The following RAPH1 variants were observed in gnomAD, a reference collection of about 807,000 sequenced individuals.
RAPH1 encodes the protein Ras association (RalGDS/AF-6) and pleckstrin homology domains 1.
RAPH1 carries 18 observed loss-of-function variants against 88.1 expected under a neutral mutation model. The ratio of observed to expected loss-of-function variants is 0.20; its 90% CI spans 0.14 to 0.30. The LOEUF is 0.30. Ranked by LOEUF, RAPH1 falls within the 10% of genes least tolerant of loss-of-function variation. The pLI is 1.00. For synonymous variants in RAPH1, 587 were observed against 559.0 expected (o/e 1.05, Z -0.71); for missense variants, 1,448 against 1,543.2 (o/e 0.94, Z 1.03).
At chr2:203,524,075 G>C (rs928559072) in intron 1 of RAPH1, among the ~76,000 whole-genome samples, 3 of 152,102 alleles carry the variant, frequency 2.0e-5, no homozygotes, top group Non-Finnish European at 2.9e-5. Context: ...ATCCAATAAA[G>C]AACTTGTATC....
chr2:203,463,112 G>A (rs569840104), intron 4 of RAPH1, among the ~76,000 whole-genome samples: 2 of 151,746 alleles, frequency 1.3e-5, no homozygotes, highest in South Asian at 4.2e-4. Context: ...TGAGGCAGGA[G>A]AACTGCTTGA....
At position 203,438,814 on chromosome 2, in the gene RAPH1, A is replaced by G. The variant is rs1387679923; in HGVS notation, c.*623T>C. On this transcript the variant is annotated 3_prime_UTR_variant, in exon 14 of 14. Coordinates refer to ENST00000319170, the MANE Select transcript of RAPH1 (RefSeq NM_213589.3). ...AACATTTCCCCATCCTGCACTAGTT[A>G]CCCGTTCTATGAAGCTGAGAGATTT... The G allele has an allele frequency of 6.5e-6, 1 of 154,162 alleles. No homozygotes were observed. Among genetic ancestry groups the G allele is most frequent in the Non-Finnish European group, 1.4e-5 (1 of 69,320 alleles). The allele number at this position is 154,162 out of a possible 1,614,324, so 9.5% of individuals were successfully genotyped here.
rs1214450846 is a variant in RAPH1, at chr2:203,535,241, C to T, written c.-131G>A. On this transcript the variant is annotated 5_prime_UTR_variant, in exon 1 of 14. Transcript: ENST00000319170. Reference sequence around the variant, plus strand: ...AGAGACGCAGCGACTGCCAGCAGCTCCCGCGCCGCGCGCTCAGTGACTGAC... The same window carrying T: ...AGAGACGCAGCGACTGCCAGCAGCTTCCGCGCCGCGCGCTCAGTGACTGAC... 6.6e-6 allele frequency: 1 copy of T among 151,784 alleles called. No individual in the cohort carries two copies. Among genetic ancestry groups the T allele is most frequent in the African/African-American group, 2.4e-5 (1 of 41,228 alleles). 9.4% of individuals were successfully genotyped at this position (151,784 alleles called of 1,614,324 possible). A position where few individuals can be genotyped will look rare whatever the true frequency, so the allele number is the denominator to read the frequency against.
intron 1 of RAPH1, among the ~76,000 whole-genome samples, chr2:203,502,395 T>C (rs1424825748): frequency 6.6e-6 from 1 of 152,204 alleles, no homozygotes; most frequent in Non-Finnish European, 1.5e-5. Flanking sequence ...CACATCCTCT[T>C]CACTATCATC....
intron 4 of RAPH1, among the ~76,000 whole-genome samples, chr2:203,475,726 TTC>T (rs1239460283): frequency 3.3e-5 from 5 of 151,278 alleles, no homozygotes; most frequent in Admixed American, 2.0e-4. Context: ...CATATTTCTG[TTC>T]TTTTTCCTAC....
Position 203,535,227 on chromosome 2 carries a change from G to T in RAPH1, c.-117C>A. The T allele has an allele frequency of 6.6e-6, 1 of 152,316 alleles. No individual in the cohort carries two copies. The highest frequency in any genetic ancestry group is 2.0e-4 in the South Asian group (1 of 5,078). The allele number at this position is 152,316 out of a possible 1,614,324, so 9.4% of individuals were successfully genotyped here. On this transcript the variant is annotated 5_prime_UTR_variant, in exon 1 of 14. Coordinates refer to ENST00000319170, the MANE Select transcript of RAPH1 (RefSeq NM_213589.3). ...GGCGCTCCCTCGCCAGAGACGCAGC[G>T]ACTGCCAGCAGCTCCCGCGCCGCGC...
intron 4 of RAPH1, among the ~76,000 whole-genome samples, chr2:203,484,035 T>C (rs1247246580): frequency 2.6e-5 from 4 of 152,166 alleles, no homozygotes; most frequent in African/African-American, 9.7e-5. Context: ...TTCATAATGG[T>C]GTGGGCTAAT....
At chr2:203,461,002 G>C (rs1291157851) in intron 6 of RAPH1, among the ~76,000 whole-genome samples, 1 of 152,000 alleles carries the variant, frequency 6.6e-6, no homozygotes, top group African/African-American at 2.4e-5. Flanking sequence ...TGTAGTCCCA[G>C]CTACTCAGGA....
intron 12 of RAPH1, chr2:203,446,071 G>A (rs2098509301): frequency 1.3e-5 from 2 of 152,026 alleles, no homozygotes; most frequent in South Asian, 2.1e-4. Flanking sequence ...TATTAACTAC[G>A]CTCCACACTT....
chr2:203,495,686 G>A (rs778278086), intron 1 of RAPH1, among the ~76,000 whole-genome samples: 4 of 151,958 alleles, frequency 2.6e-5, no homozygotes, highest in African/African-American at 9.7e-5. Flanking sequence ...TCCACTACTA[G>A]ATCCTAGGAC....
chr2:203,462,694 A>G (rs75735518), intron 4 of RAPH1, among the ~76,000 whole-genome samples: 1,871 of 152,326 alleles, frequency 0.012, 19 homozygotes, highest in Non-Finnish European at 0.018. Context: ...AATAAAAATT[A>G]TAACTAAAAA....
intron 1 of RAPH1, among the ~76,000 whole-genome samples, chr2:203,513,727 C>T (rs1268623032): frequency 1.4e-5 from 2 of 144,642 alleles, no homozygotes; most frequent in African/African-American, 2.5e-5. Flanking sequence ...ACCAGCTACT[C>T]GGGAGGCTGA....
In RAPH1 at chr2:203,441,008, G is replaced by T; in HGVS notation, c.2182C>A (p.Leu728Ile). 6.5e-7 allele frequency: 1 copy of T among 1,549,092 alleles called. No individual in the cohort carries two copies. The highest frequency in any genetic ancestry group is 8.8e-7 in the Non-Finnish European group (1 of 1,142,832). Residue 728 changes from leucine (L) to isoleucine (I), a missense_variant, in exon 14 of 14, where the codon CTA (leucine) becomes ATA (isoleucine). Leu to Ile is a conservative substitution (Grantham distance 5). Coordinates refer to ENST00000319170, the MANE Select transcript of RAPH1 (RefSeq NM_213589.3). ...PPTPGSAMAQ[L>I]KPAPCAPSLP... The stretch of plus-strand genomic sequence containing the variant: ...GATGGGGCACACGGTGCAGGCTTTA[G>T]CTGGGCCATGGCAGAGCCTGGGGTT...
At chr2:203,503,843 T>A (rs1000417067) in intron 1 of RAPH1, among the ~76,000 whole-genome samples, 6 of 152,174 alleles carry the variant, frequency 3.9e-5, no homozygotes, top group Non-Finnish European at 7.3e-5. Context: ...ATGGGAGAAC[T>A]TGGCCAAAAC....
At chr2:203,466,657 ATTAAAC>A (rs1333798577) in intron 4 of RAPH1, among the ~76,000 whole-genome samples, 1 of 152,238 alleles carries the variant, frequency 6.6e-6, no homozygotes, top group Non-Finnish European at 1.5e-5. Context: ...TCACAACTAT[ATTAAAC>A]TTAAGTAAAA....
intron 1 of RAPH1, among the ~76,000 whole-genome samples, chr2:203,527,984 T>G (rs540139440): frequency 7.2e-5 from 11 of 152,238 alleles, no homozygotes; most frequent in Non-Finnish European, 1.3e-4. Context: ...TTGTTATTGA[T>G]GTTGTTAAGG....
chr2:203,469,798 A>C (rs1191279660), intron 4 of RAPH1, among the ~76,000 whole-genome samples: 2 of 152,252 alleles, frequency 1.3e-5, no homozygotes, highest in African/African-American at 4.8e-5. Flanking sequence ...AGTTAATATT[A>C]ACTAAGATTC....
rs764581399 is a variant in RAPH1, at chr2:203,495,286, T to C, written c.68A>G (p.Asp23Gly). The change falls in exon 2 of 14, where the codon GAC (aspartate) becomes GGC (glycine). Residue 23 changes from aspartate to glycine, a missense_variant. Around this residue, in one of 2 missense-constraint regions of RAPH1, gnomAD observed 513 missense variants for 653.1 expected, o/e 0.79. Coordinates refer to ENST00000319170, the MANE Select transcript of RAPH1 (RefSeq NM_213589.3). ...AEEDSDKEDQ[D>G]LDKMFGAWLG... is the part of the protein sequence containing the mutation. ...CCAGGCTCCAAACATTTTGTCCAGGTCCTGATCTTCCTTGTCACTGTCTTC... is the reference window on the plus strand; with the variant it reads ...CCAGGCTCCAAACATTTTGTCCAGGCCCTGATCTTCCTTGTCACTGTCTTC... 9.3e-6 allele frequency: 15 copies of C among 1,614,022 alleles called. No individual in the cohort carries two copies. The African/African-American group carries it at 9.3e-5, about 10-fold the overall frequency.
At chr2:203,470,232 G>A in intron 4 of RAPH1, 1 of 1,600,454 alleles carries the variant, frequency 6.2e-7, no homozygotes, top group Non-Finnish European at 8.5e-7. Context: ...TGTGGAAGAA[G>A]TATCACCTTG....
Sources: allele counts gnomAD v4.1 joint callset (sites outside exome capture counted in the v4.1 genomes callset), GRCh38; gene constraint gnomAD v4.1.1; regional missense constraint gnomAD v4.1.1; transcripts MANE v1.5; gene names NCBI Gene and HGNC (gene_info 2026-07-23, HGNC 2026-07-21).